Variants in SH3BGR observed in about 807,000 individuals in gnomAD.
The protein encoded by SH3BGR is SH3 domain binding glutamate rich protein.
In SH3BGR, 29 loss-of-function variants were observed where a neutral mutation model predicts 24.5. The ratio of observed to expected loss-of-function variants is 1.18; its 90% confidence interval spans 0.88 to 1.61. The LOEUF is 1.61. Ranked by LOEUF, SH3BGR falls within the 40% of genes most tolerant of loss-of-function variation. The pLI is 0.00. For synonymous variants in SH3BGR, 55 were observed against 65.7 expected (o/e 0.84, Z 0.79); for missense variants, 162 against 205.8 (o/e 0.79, Z 1.30).
At position 39,460,821 on chromosome 21, in the gene SH3BGR, G is replaced by A. The variant is rs2077743098; in HGVS notation, c.46-1554G>A. On this transcript the variant is annotated intron_variant, in intron 1 of 6. Transcript: ENST00000333634. The stretch of plus-strand genomic sequence containing the variant: ...TTTTATTTTTAAGAGACAGGGTCCC[G>A]CTTTGTCACCCAAGCTGGAGTGCAG... 2.6e-5 allele frequency among the ~76,000 whole-genome samples: 4 copies of A among 152,064 alleles called. No individual in the cohort carries two copies. The South Asian group carries it at 6.3e-4, about 24-fold the overall frequency.
rs9680332 is a variant in SH3BGR, at chr21:39,458,532, T to C, written c.46-3843T>C. 4.1e-3 allele frequency among the ~76,000 whole-genome samples: 620 copies of C among 152,150 alleles called. 5 individuals carry two copies. Among genetic ancestry groups the C allele is most frequent in the African/African-American group, 0.014 (583 of 41,490 alleles). ...TTTGTATTTTTAGTAGAGACAAGGT[T>C]TCGCCATGTTGGCCAGGCTGGTCTC... On this transcript the variant is annotated intron_variant, in intron 1 of 6. Transcript: ENST00000333634.
intron 3 of SH3BGR, among the ~76,000 whole-genome samples, chr21:39,488,122 C>G (rs1174761698): frequency 6.6e-6 from 1 of 152,158 alleles, no homozygotes; most frequent in Non-Finnish European, 1.5e-5. Flanking sequence ...CTAGTAGTCT[C>G]AGGAAGCCAT....
At chr21:39,506,643 A>C (rs1355275379) in intron 4 of SH3BGR, among the ~76,000 whole-genome samples, 1 of 152,202 alleles carries the variant, frequency 6.6e-6, no homozygotes, top group Non-Finnish European at 1.5e-5. Context: ...AGATCTTGTG[A>C]GACTTACTAC....
At chr21:39,456,219 C>G (rs7277602) in intron 1 of SH3BGR, among the ~76,000 whole-genome samples, 78,668 of 151,970 alleles carry the variant, frequency 0.52, 20,737 homozygotes, top group East Asian at 0.68. Flanking sequence ...ATTCGTGCTC[C>G]CAAGAGGGTA....
chr21:39,471,365 T>G (rs2077937186), intron 2 of SH3BGR, among the ~76,000 whole-genome samples: 1 of 152,156 alleles, frequency 6.6e-6, no homozygotes, highest in Non-Finnish European at 1.5e-5. Flanking sequence ...GAGGATTGCT[T>G]GAGCCCAGGT....
At chr21:39,475,905 T>C (rs1490472423) in intron 3 of SH3BGR, among the ~76,000 whole-genome samples, 1 of 152,180 alleles carries the variant, frequency 6.6e-6, no homozygotes, top group Non-Finnish European at 1.5e-5. Flanking sequence ...AAATCCACTC[T>C]GAGAGAGGAC....
At chr21:39,504,626 A>G (rs2078552548) in intron 4 of SH3BGR, among the ~76,000 whole-genome samples, 1 of 152,218 alleles carries the variant, frequency 6.6e-6, no homozygotes, top group African/African-American at 2.4e-5. Flanking sequence ...TTTAAGGTGT[A>G]TGCTTCCTCA....
chr21:39,490,439 T>C (rs1480199724), intron 3 of SH3BGR, among the ~76,000 whole-genome samples: 1 of 152,230 alleles, frequency 6.6e-6, no homozygotes, highest in Non-Finnish European at 1.5e-5. Flanking sequence ...TCTCCGACCA[T>C]GATTGTGCAT....
chr21:39,489,868 A>G (rs1252444689), intron 3 of SH3BGR, among the ~76,000 whole-genome samples: 11 of 152,210 alleles, frequency 7.2e-5, no homozygotes, highest in Admixed American at 7.2e-4. Flanking sequence ...TAATAGTGAA[A>G]TCAAGAATTG....
At position 39,481,563 on chromosome 21, in the gene SH3BGR, G is replaced by A. The variant is rs557177743; in HGVS notation, c.312+6348G>A. On this transcript the variant is annotated intron_variant, in intron 3 of 6. Coordinates refer to ENST00000333634, the MANE Select transcript of SH3BGR (RefSeq NM_007341.3). ...CCCAGTATCCTCTTCACTCCCTTGTGTTTAGGGCTACATTTATAGAAAACC... is the reference window on the plus strand; with the variant it reads ...CCCAGTATCCTCTTCACTCCCTTGTATTTAGGGCTACATTTATAGAAAACC... Among the ~76,000 whole-genome samples, 8 of 152,216 alleles carry A rather than the reference G, an allele frequency of 5.3e-5. No individual in the cohort carries two copies. The South Asian group carries it at 1.7e-3, about 32-fold the overall frequency.
At chr21:39,462,974 C>G (rs2077779684) in intron 2 of SH3BGR, among the ~76,000 whole-genome samples, 1 of 152,204 alleles carries the variant, frequency 6.6e-6, no homozygotes, top group Non-Finnish European at 1.5e-5. Flanking sequence ...GCCTCTTTCT[C>G]TTGAGCTCAA....
chr21:39,447,194 G>C (rs1162196690), upstream of SH3BGR: 1 of 150,990 alleles, frequency 6.6e-6, no homozygotes, highest in Non-Finnish European at 1.5e-5. Context: ...ATTATGGAAA[G>C]ATGGGCTGAT....
chr21:39,505,362 G>A (rs149437228), intron 4 of SH3BGR, among the ~76,000 whole-genome samples: 2 of 152,258 alleles, frequency 1.3e-5, no homozygotes, highest in African/African-American at 2.4e-5. Context: ...TTATCCTTTC[G>A]AGGCTAAGTA....
At chr21:39,477,416 G>A (rs1235838155) in intron 3 of SH3BGR, among the ~76,000 whole-genome samples, 1 of 152,156 alleles carries the variant, frequency 6.6e-6, no homozygotes, top group African/African-American at 2.4e-5. Flanking sequence ...GACTACAGGT[G>A]TGAGCCACTG....
intron 4 of SH3BGR, among the ~76,000 whole-genome samples, chr21:39,504,918 T>C (rs1211514177): frequency 1.3e-5 from 2 of 152,180 alleles, no homozygotes; most frequent in East Asian, 3.8e-4. Flanking sequence ...GCTCGAGTGA[T>C]TCTTCCACGT....
chr21:39,469,189 C>G (rs746857258), intron 2 of SH3BGR, among the ~76,000 whole-genome samples: 1 of 151,740 alleles, frequency 6.6e-6, no homozygotes, highest in Non-Finnish European at 1.5e-5. Flanking sequence ...TGTTCCCACA[C>G]ATGCAGAGCC....
chr21:39,458,848 T>C (rs1382224644), intron 1 of SH3BGR, among the ~76,000 whole-genome samples: 1 of 152,064 alleles, frequency 6.6e-6, no homozygotes, highest in Non-Finnish European at 1.5e-5. Flanking sequence ...GGTTTTACCA[T>C]GTTGGCCAGG....
intron 6 of SH3BGR, among the ~76,000 whole-genome samples, chr21:39,513,122 C>T (rs1247976553): frequency 6.6e-6 from 1 of 152,120 alleles, no homozygotes; most frequent in African/African-American, 2.4e-5. Context: ...ACTCATTATT[C>T]TCTAAATGAG....
upstream of SH3BGR, among the ~76,000 whole-genome samples, chr21:39,448,651 T>C (rs1194317791): frequency 1.3e-5 from 2 of 151,996 alleles, no homozygotes; most frequent in African/African-American, 4.8e-5. Context: ...GCCACTGCAC[T>C]CCAGCCTGGT....
Sources: allele counts gnomAD v4.1 joint callset (sites outside exome capture counted in the v4.1 genomes callset), GRCh38; gene constraint gnomAD v4.1.1; transcripts MANE v1.5; gene names NCBI Gene and HGNC (gene_info 2026-07-23, HGNC 2026-07-21).